GPATCH1: variants seen among roughly 807,000 people sequenced by gnomAD.
GPATCH1 encodes the protein G patch domain-containing protein 1.
GPATCH1 carries 73 observed loss-of-function variants against 114.9 expected under a neutral mutation model. The observed-to-expected ratio is 0.64, with a 90% CI of 0.53 to 0.77. GPATCH1 has a LOEUF of 0.77. GPATCH1 is among the 30% of genes least tolerant of loss of function. GPATCH1 has a pLI of 0.00. For synonymous variants in GPATCH1, 391 were observed against 428.4 expected (o/e 0.91, Z 1.08); for missense variants, 1,058 against 1,144.3 (o/e 0.92, Z 1.09).
At chr19:33,106,947 T>C (rs201990891) in intron 10 of GPATCH1, 48 bp downstream of exon 10, 5 of 1,438,734 alleles carry the variant, frequency 3.5e-6, no homozygotes, top group Non-Finnish European at 4.8e-6. Flanking sequence ...ATTCGAGTTA[T>C]CAAAATCAAA....
chr19:33,105,423 AAAAAAG>A (rs1203405141), intron 9 of GPATCH1, among the ~76,000 whole-genome samples: 2 of 151,428 alleles, frequency 1.3e-5, no homozygotes, highest in Non-Finnish European at 2.9e-5. Flanking sequence ...AAAAAAAAAA[AAAAAAG>A]AAAAAGAAAA....
chr19:33,112,682 A>G (rs1972871156), intron 13 of GPATCH1, 69 bp downstream of exon 13: 1 of 1,242,672 alleles, frequency 8.0e-7, no homozygotes, highest in Non-Finnish European at 1.1e-6. Context: ...TTCCCCTTAC[A>G]TACTCATATA....
chr19:33,089,782 G>A (rs1180531873), intron 2 of GPATCH1, among the ~76,000 whole-genome samples: 2 of 151,580 alleles, frequency 1.3e-5, no homozygotes, highest in African/African-American at 4.9e-5. Context: ...CACCACACCC[G>A]GCTGATTTTT....
rs765495804 is a variant in GPATCH1 at position 33,111,866 on chromosome 19, T to C, written c.1728T>C (p.Asp576=). The part of the protein sequence containing the change: ...SSRFTHAKEE[D]DSDQVEVPRD... ...GGTTCACTCACGCCAAGGAGGAGGA[T>C]GACTCAGATCAGGTTGAAGTCCCTC... Residue 576 remains aspartate, a synonymous_variant, in exon 12 of 20, where the codon GAT becomes GAC. Coordinates refer to ENST00000170564, the MANE Select transcript of GPATCH1 (RefSeq NM_018025.3). 1.2e-6 allele frequency: 2 copies of C among 1,614,172 alleles called. No homozygotes were observed. The highest frequency in any genetic ancestry group is 1.1e-5 in the South Asian group (1 of 91,088).
intron 4 of GPATCH1, 145 bp from the exon 5 acceptor site, chr19:33,094,027 G>C: frequency 1.6e-6 from 1 of 609,418 alleles, no homozygotes; most frequent in East Asian, 2.8e-5. Context: ...TGGAATGGCA[G>C]GGTCACGCCA....
chr19:33,094,564 A>G (rs1026487028), intron 5 of GPATCH1, among the ~76,000 whole-genome samples: 21 of 152,152 alleles, frequency 1.4e-4, no homozygotes, highest in African/African-American at 5.1e-4. Flanking sequence ...AATAAACGAA[A>G]TAGCTGGGCC....
Position 33,113,758 on chromosome 19 carries a change from A to C in GPATCH1, c.1893-9A>C, listed in dbSNP as rs1426189059. 6.2e-7 allele frequency: 1 copy of C among 1,609,334 alleles called. No homozygotes were observed. On this transcript the variant is annotated splice_polypyrimidine_tract_variant and intron_variant, in intron 13 of 19. Transcript: ENST00000170564. ...TTGTTACTAAAATGATTCTTTTTTCAATTCCCAGTTCAACTTTAGTTGGCT... is the reference window on the plus strand; with the variant it reads ...TTGTTACTAAAATGATTCTTTTTTCCATTCCCAGTTCAACTTTAGTTGGCT...
In GPATCH1 at chr19:33,126,701, C is replaced by T. The variant is rs370139301; in HGVS notation, c.2733C>T (p.Thr911=). Reference sequence around the variant, plus strand: ...GCGACAGCCAGAGTGACGAGGAAACCGCAGACGTGTCGCCCCAGGAGCTGC... The same window carrying T: ...GCGACAGCCAGAGTGACGAGGAAACTGCAGACGTGTCGCCCCAGGAGCTGC... ...DSSDSQSDEE[T]ADVSPQELLR... The change falls in exon 19 of 20, where the codon ACC becomes ACT. Residue 911 remains threonine, a synonymous_variant. Transcript: ENST00000170564. 1.5e-5 allele frequency: 24 copies of T among 1,613,564 alleles called. No individual in the cohort carries two copies. The highest frequency in any genetic ancestry group is 6.6e-5 in the South Asian group (6 of 91,030).
chr19:33,101,897 C>T (rs189862643), intron 9 of GPATCH1, among the ~76,000 whole-genome samples: 18 of 151,762 alleles, frequency 1.2e-4, no homozygotes, highest in African/African-American at 3.6e-4. Context: ...CACGTGGTGT[C>T]GCATGCCTGT....
At position 33,106,790 on chromosome 19, in the gene GPATCH1, G is replaced by A; in HGVS notation, c.1176G>A (p.Gln392=). The change falls in exon 10 of 20, where the codon CAG becomes CAA. Residue 392 remains glutamine, a synonymous_variant. Transcript: ENST00000170564. ...CCTCCGAGAACTCACACTTACTGCA[G>A]GTATTATCAGAGTCAGCTGGAAAGG... ...AATSENSHLL[Q]VLSESAGKAT... is the part of the protein sequence containing the mutation. 1.2e-6 allele frequency: 2 copies of A among 1,613,886 alleles called. No homozygotes were observed. The highest frequency in any genetic ancestry group is 1.7e-6 in the Non-Finnish European group (2 of 1,179,938).
Position 33,096,494 on chromosome 19 carries a change from T to A in GPATCH1, c.852+48T>A, listed in dbSNP as rs756229755. The A allele has an allele frequency of 6.8e-6, 10 of 1,465,230 alleles. No homozygotes were observed. In the Admixed American group the frequency reaches 1.6e-4, roughly 23 times the overall value. 90.8% of individuals were successfully genotyped at this position (1,465,230 alleles called of 1,614,324 possible). A position where few individuals can be genotyped will look rare whatever the true frequency, so the allele number is the denominator to read the frequency against. On this transcript the variant is annotated intron_variant, in intron 7 of 19. Coordinates refer to ENST00000170564, the MANE Select transcript of GPATCH1 (RefSeq NM_018025.3). ...AAAGGGGGAGTCATTGATAAATGAGTCTACTTTCTTTCTTTCTTCTTTTTA... is the reference window on the plus strand; with the variant it reads ...AAAGGGGGAGTCATTGATAAATGAGACTACTTTCTTTCTTTCTTCTTTTTA...
intron 17 of GPATCH1, among the ~76,000 whole-genome samples, chr19:33,119,669 G>A (rs1972954835): frequency 6.8e-6 from 1 of 147,928 alleles, no homozygotes; most frequent in African/African-American, 2.5e-5. Flanking sequence ...TTGCACTCCA[G>A]CCCAGGTGAC....
chr19:33,094,404 G>T, intron 5 of GPATCH1, 135 bp downstream of exon 5: 1 of 594,198 alleles, frequency 1.7e-6, no homozygotes. Flanking sequence ...TTGACCTCCC[G>T]GGCTCAAGTG....
intron 17 of GPATCH1, among the ~76,000 whole-genome samples, chr19:33,119,374 A>T (rs1023845968): frequency 1.3e-5 from 2 of 152,036 alleles, no homozygotes; most frequent in Non-Finnish European, 2.9e-5. Context: ...AAGTTTTGTT[A>T]TAGAAATATA....
Position 33,130,241 on chromosome 19 carries a change from C to A in GPATCH1, c.*81C>A. 1.1e-6 allele frequency: 1 copy of A among 938,320 alleles called. No individual in the cohort carries two copies. Among genetic ancestry groups the A allele is most frequent in the Non-Finnish European group, 1.7e-6 (1 of 584,808 alleles). 58.1% of individuals were successfully genotyped at this position (938,320 alleles called of 1,614,324 possible). ...GTGATTGTTCAGTTAACGCATTGTA[C>A]AGAGTGTATTTATATGTAAATTCCT... On this transcript the variant is annotated 3_prime_UTR_variant, in exon 20 of 20. Coordinates refer to ENST00000170564, the MANE Select transcript of GPATCH1 (RefSeq NM_018025.3).
At chr19:33,119,504 T>A (rs1034026203) in intron 17 of GPATCH1, among the ~76,000 whole-genome samples, 3 of 149,030 alleles carry the variant, frequency 2.0e-5, no homozygotes, top group Non-Finnish European at 4.4e-5. Context: ...TCGAGACCAT[T>A]CTGGCCAACA....
At position 33,089,781 on chromosome 19, in the gene GPATCH1, C is replaced by T. The variant is rs369316976; in HGVS notation, c.209-999C>T. The stretch of plus-strand genomic sequence containing the variant: ...GACTACAGGTGCCCGCCACCACACC[C>T]GGCTGATTTTTGTATTTTAGTAGAG... On this transcript the variant is annotated intron_variant, in intron 2 of 19. Transcript: ENST00000170564. Among the ~76,000 whole-genome samples the T allele has an allele frequency of 3.0e-4, 45 of 151,756 alleles. 3 individuals carry two copies. Among genetic ancestry groups the T allele is most frequent in the African/African-American group, 7.5e-4 (31 of 41,196 alleles).
chr19:33,110,166 C>A lies in GPATCH1; in HGVS notation c.1585+150C>A, dbSNP rs538884923. 7.6e-6 allele frequency: 5 copies of A among 659,806 alleles called. No individual in the cohort carries two copies. In the East Asian group the frequency reaches 9.1e-5, roughly 12 times the overall value. The allele number at this position is 659,806 out of a possible 1,614,324, so 40.9% of individuals were successfully genotyped here. A position where few individuals can be genotyped will look rare whatever the true frequency, so the allele number is the denominator to read the frequency against. ...CTGCAAATAGTGCAAAGGTTTCAGG[C>A]CTTGGCTCTTGACCTCAGAAAGCAA... On this transcript the variant is annotated intron_variant, in intron 11 of 19. Coordinates refer to ENST00000170564, the MANE Select transcript of GPATCH1 (RefSeq NM_018025.3).
chr19:33,107,185 C>T (rs974994063), intron 10 of GPATCH1, among the ~76,000 whole-genome samples: 5 of 152,114 alleles, frequency 3.3e-5, no homozygotes, highest in Non-Finnish European at 5.9e-5. Flanking sequence ...TGGGTTCAAG[C>T]GTTCCTCCCA....
Sources: gnomAD v4.1 joint callset for allele counts (sites outside exome capture counted in the v4.1 genomes callset) on GRCh38, gnomAD v4.1.1 for gene constraint, MANE v1.5 for transcripts, NCBI Gene and HGNC (gene_info 2026-07-23, HGNC 2026-07-21) for gene names.